The following NYAP2 variants were observed in gnomAD, a reference collection of about 807,000 sequenced individuals.
The protein encoded by NYAP2 is neuronal tyrosine-phosphorylated phosphoinositide-3-kinase adapter 2.
NYAP2 carries 23 observed loss-of-function variants against 50.4 expected under a neutral mutation model. The ratio of observed to expected loss-of-function variants is 0.46; its 90% confidence interval spans 0.33 to 0.65. The LOEUF is 0.65. Among genes scored for constraint, NYAP2 ranks in the 30% least tolerant of loss-of-function variants. NYAP2 has a pLI of 0.02. For synonymous variants in NYAP2, 394 were observed against 365.2 expected (o/e 1.08, Z -0.90); for missense variants, 885 against 861.0 (o/e 1.03, Z -0.35).
At chr2:225,561,427 G>A (rs1202594358) in intron 4 of NYAP2, among the ~76,000 whole-genome samples, 1 of 152,074 alleles carries the variant, frequency 6.6e-6, no homozygotes, top group Non-Finnish European at 1.5e-5. Flanking sequence ...AGATGAAGTT[G>A]GAAGGACGGG....
chr2:225,505,082 T>C (rs893233876), intron 3 of NYAP2, among the ~76,000 whole-genome samples: 4 of 152,172 alleles, frequency 2.6e-5, no homozygotes, highest in South Asian at 2.1e-4. Flanking sequence ...CTGAGTCCTT[T>C]CTCTTCAGGA....
At chr2:225,452,518 T>C (rs1011941093) in intron 3 of NYAP2, among the ~76,000 whole-genome samples, 2 of 152,146 alleles carry the variant, frequency 1.3e-5, no homozygotes, top group African/African-American at 4.8e-5. Flanking sequence ...TAAAAATCCT[T>C]CCTCTGTAAC....
intron 4 of NYAP2, among the ~76,000 whole-genome samples, chr2:225,540,487 C>A (rs756509494): frequency 8.5e-5 from 13 of 152,156 alleles, no homozygotes; most frequent in Admixed American, 2.0e-4. Flanking sequence ...AATAACCATC[C>A]AATCTCATGA....
intron 5 of NYAP2, among the ~76,000 whole-genome samples, chr2:225,605,540 A>G (rs1221248989): frequency 6.6e-6 from 1 of 152,040 alleles, no homozygotes; most frequent in African/African-American, 2.4e-5. Flanking sequence ...CTAAGTAAAA[A>G]ATCAGAATTT....
chr2:225,577,236 G>A (rs181534403), intron 4 of NYAP2, among the ~76,000 whole-genome samples: 2 of 152,198 alleles, frequency 1.3e-5, no homozygotes, highest in East Asian at 3.9e-4. Context: ...CTTGTGTTCT[G>A]GAGCTGAACA....
At chr2:225,598,541 G>A (rs1163902395) in intron 5 of NYAP2, among the ~76,000 whole-genome samples, 1 of 151,866 alleles carries the variant, frequency 6.6e-6, no homozygotes, top group Non-Finnish European at 1.5e-5. Flanking sequence ...GATTATTTGA[G>A]ATGAAAAAAA....
intron 5 of NYAP2, among the ~76,000 whole-genome samples, chr2:225,606,489 T>C (rs1224907159): frequency 6.6e-6 from 1 of 152,138 alleles, no homozygotes; most frequent in African/African-American, 2.4e-5. Context: ...TGAGGATACA[T>C]AAAAATGTTC....
chr2:225,640,592 T>C (rs1041028213), intron 6 of NYAP2, among the ~76,000 whole-genome samples: 2 of 152,152 alleles, frequency 1.3e-5, no homozygotes, highest in Non-Finnish European at 2.9e-5. Flanking sequence ...TGTGTTCTTA[T>C]TCCCATTTTT....
intron 5 of NYAP2, among the ~76,000 whole-genome samples, chr2:225,625,360 CA>C (rs1693191222): frequency 6.6e-6 from 1 of 152,024 alleles, no homozygotes; most frequent in African/African-American, 2.4e-5. Flanking sequence ...TGGAGTCAAC[CA>C]TTTTTTAAAA....
intron 3 of NYAP2, among the ~76,000 whole-genome samples, chr2:225,484,170 A>G (rs1690251853): frequency 6.6e-6 from 1 of 152,178 alleles, no homozygotes; most frequent in Admixed American, 6.5e-5. Context: ...TGGTGCTCAC[A>G]TTTTCTAAAA....
At chr2:225,645,325 G>A (rs1171998037) in intron 6 of NYAP2, among the ~76,000 whole-genome samples, 1 of 151,964 alleles carries the variant, frequency 6.6e-6, no homozygotes. Flanking sequence ...TGATGATGGT[G>A]AGTTACAGAC....
intron 3 of NYAP2, among the ~76,000 whole-genome samples, chr2:225,424,116 G>A (rs1223633400): frequency 6.6e-6 from 1 of 152,020 alleles, no homozygotes; most frequent in Non-Finnish European, 1.5e-5. Context: ...CTAAACTTTG[G>A]TGAAAAAGAG....
intron 4 of NYAP2, among the ~76,000 whole-genome samples, chr2:225,561,840 A>G (rs1226211710): frequency 6.6e-6 from 1 of 152,058 alleles, no homozygotes; most frequent in African/African-American, 2.4e-5. Flanking sequence ...TTGACAGTAA[A>G]TGTTAAATCA....
At chr2:225,518,556 ATATATAT>A (rs1559202507) in intron 4 of NYAP2, among the ~76,000 whole-genome samples, 6 of 82,428 alleles carry the variant, frequency 7.3e-5, no homozygotes, top group African/African-American at 2.6e-4. Context: ...ATATATATAT[ATATATAT>A]ATATATTAGC....
chr2:225,529,883 AT>A (rs1574660771), intron 4 of NYAP2, among the ~76,000 whole-genome samples: 1 of 151,558 alleles, frequency 6.6e-6, no homozygotes, highest in East Asian at 2.0e-4. Flanking sequence ...AATTTTTTGT[AT>A]TTTTAGTAGA....
intron 4 of NYAP2, among the ~76,000 whole-genome samples, chr2:225,546,456 T>C (rs979934498): frequency 4.6e-5 from 7 of 152,052 alleles, no homozygotes; most frequent in African/African-American, 1.7e-4. Flanking sequence ...CCTCTCCACA[T>C]GGTTACCACA....
At chr2:225,631,078 C>A (rs1486177269) in intron 6 of NYAP2, among the ~76,000 whole-genome samples, 1 of 152,122 alleles carries the variant, frequency 6.6e-6, no homozygotes, top group Non-Finnish European at 1.5e-5. Context: ...TCAGATGACA[C>A]CCTGGGGAAA....
intron 4 of NYAP2, among the ~76,000 whole-genome samples, chr2:225,559,045 A>C (rs1163467037): frequency 4.6e-5 from 7 of 152,014 alleles, no homozygotes; most frequent in Admixed American, 1.3e-4. Flanking sequence ...TTATATTAGG[A>C]GGTGGAGGCT....
intron 3 of NYAP2, among the ~76,000 whole-genome samples, chr2:225,422,007 C>CT (rs1198481429): frequency 6.6e-6 from 1 of 151,858 alleles, no homozygotes; most frequent in African/African-American, 2.4e-5. Context: ...ATTTAAATGA[C>CT]TTTTTAGGAT....
Sources: allele counts gnomAD v4.1 joint callset (sites outside exome capture counted in the v4.1 genomes callset), GRCh38; gene constraint gnomAD v4.1.1; transcripts MANE v1.5; gene names NCBI Gene and HGNC (gene_info 2026-07-23, HGNC 2026-07-21).